BTG4: variants seen among roughly 807,000 people sequenced by gnomAD.
BTG4 encodes the protein protein BTG4.
BTG4 carries 10 observed loss-of-function variants against 19.3 expected under a neutral mutation model. That is an observed-to-expected ratio of 0.52 (90% CI 0.32 to 0.88). The LOEUF is 0.88. Ranked by LOEUF, BTG4 falls within the 40% of genes least tolerant of loss-of-function variation. BTG4 has a pLI of 0.04. For missense variants in BTG4, 238 were observed against 281.9 expected, an observed-to-expected ratio of 0.84 and a Z score of 1.11; for synonymous variants, 91 against 95.7, an observed-to-expected ratio of 0.95 and a Z score of 0.29.
the BTG4 span, among the ~76,000 whole-genome samples, chr11:111,422,331 C>T: frequency 6.6e-6 from 1 of 152,196 alleles, no homozygotes; most frequent in South Asian, 2.1e-4. Context: ...AAAGACCACA[C>T]TGACACACTT....
the BTG4 span, among the ~76,000 whole-genome samples, chr11:111,413,530 C>T: frequency 6.6e-6 from 1 of 152,218 alleles, no homozygotes; most frequent in South Asian, 2.1e-4. Flanking sequence ...TAAAGATATC[C>T]TTTTTGTACT....
chr11:111,444,815 G>C, the BTG4 span, among the ~76,000 whole-genome samples: 1 of 152,148 alleles, frequency 6.6e-6, no homozygotes, highest in Non-Finnish European at 1.5e-5. Flanking sequence ...AAAGAGGGTG[G>C]CTGAAGACGT....
chr11:111,494,798 CA>C, downstream of BTG4: 1 of 832,924 alleles, frequency 1.2e-6, no homozygotes, highest in Non-Finnish European at 1.4e-6. Flanking sequence ...TTTCTTGCAA[CA>C]AACTGAACTA....
intron 1 of BTG4, among the ~76,000 whole-genome samples, chr11:111,508,685 G>A (rs1469263797): frequency 6.6e-6 from 1 of 150,946 alleles, no homozygotes; most frequent in East Asian, 1.9e-4. Flanking sequence ...TGGCAATAAT[G>A]AAGTTTGTAT....
At chr11:111,455,269 C>G in the BTG4 span, 1 of 347,012 alleles carries the variant, frequency 2.9e-6, no homozygotes, top group Non-Finnish European at 5.8e-6. Context: ...GCCGCTGCTG[C>G]CATGCCTGTC....
chr11:111,409,713 C>T, the BTG4 span, among the ~76,000 whole-genome samples: 4 of 152,136 alleles, frequency 2.6e-5, no homozygotes, highest in Non-Finnish European at 5.9e-5. Context: ...ATAAGTCATG[C>T]GCACAGGACT....
chr11:111,416,730 G>C, the BTG4 span: 1 of 152,210 alleles, frequency 6.6e-6, no homozygotes, highest in Non-Finnish European at 1.5e-5. Flanking sequence ...AAAGCGGTTT[G>C]ACTTCTCTCA....
intron 5 of BTG4, among the ~76,000 whole-genome samples, chr11:111,471,692 A>G (rs183083192): frequency 5.3e-5 from 8 of 152,150 alleles, no homozygotes; most frequent in Non-Finnish European, 7.4e-5. Context: ...AATCTCATCT[A>G]TATGTCAATG....
At chr11:111,439,453 C>T in the BTG4 span, among the ~76,000 whole-genome samples, 6 of 152,030 alleles carry the variant, frequency 3.9e-5, no homozygotes, top group Non-Finnish European at 7.4e-5. Flanking sequence ...AGCCCAAGGA[C>T]TGCTACAACC....
chr11:111,499,379 T>C (rs1008784606), intron 1 of BTG4, among the ~76,000 whole-genome samples: 1 of 152,230 alleles, frequency 6.6e-6, no homozygotes, highest in African/African-American at 2.4e-5. Context: ...CCCTAAAGGC[T>C]GATGGATGTT....
chr11:111,388,884 T>C, the BTG4 span, among the ~76,000 whole-genome samples: 4 of 152,220 alleles, frequency 2.6e-5, no homozygotes, highest in African/African-American at 9.6e-5. Context: ...ATGGAGGTAA[T>C]ACTTGCCAAT....
At chr11:111,513,165 GC>G, upstream of BTG4, 1 of 379,308 alleles carries the variant, frequency 2.6e-6, no homozygotes, top group South Asian at 2.0e-5. Context: ...GAGGAAACCC[GC>G]GGTTTCTCCA....
the BTG4 span, among the ~76,000 whole-genome samples, chr11:111,423,572 C>T: frequency 6.6e-6 from 1 of 152,222 alleles, no homozygotes. Context: ...TCTTAGACAC[C>T]TTGCCCACCC....
At chr11:111,392,458 T>C in the BTG4 span, among the ~76,000 whole-genome samples, 1 of 152,156 alleles carries the variant, frequency 6.6e-6, no homozygotes, top group Non-Finnish European at 1.5e-5. Flanking sequence ...ATTACAGGCA[T>C]GAGCCACCGT....
chr11:111,503,715 C>A (rs142660995), intron 1 of BTG4, among the ~76,000 whole-genome samples: 73 of 152,140 alleles, frequency 4.8e-4, no homozygotes, highest in African/African-American at 1.7e-3. Context: ...TCCTATTATG[C>A]CTGTAACAGA....
At chr11:111,456,825 C>A in the BTG4 span, 1 of 266,462 alleles carries the variant, frequency 3.8e-6, no homozygotes, top group African/African-American at 2.2e-5. This position sits in a 1 kb window ranked among gnomAD's most constrained non-coding sequence, Gnocchi z 4.2. Context: ...CAGGAATGAG[C>A]TCCCAGGGAG....
chr11:111,487,294 A>ATCT (rs1865128262), intron 5 of BTG4, among the ~76,000 whole-genome samples: 1 of 152,218 alleles, frequency 6.6e-6, no homozygotes, highest in African/African-American at 2.4e-5. Context: ...ACGTGAATGT[A>ATCT]TCTTTATAAT....
At chr11:111,404,716 T>C in the BTG4 span, 2 of 455,456 alleles carry the variant, frequency 4.4e-6, no homozygotes, top group South Asian at 1.6e-5. Flanking sequence ...TTCTTGGAAT[T>C]GTTTCCCTAG....
intron 1 of BTG4, among the ~76,000 whole-genome samples, chr11:111,507,372 T>C (rs1221740241): frequency 6.6e-6 from 1 of 152,076 alleles, no homozygotes; most frequent in Non-Finnish European, 1.5e-5. Context: ...TTGTTTTTTG[T>C]TTTTTTGTTT....
Sources: allele counts gnomAD v4.1 joint callset (sites outside exome capture counted in the v4.1 genomes callset), GRCh38; gene constraint gnomAD v4.1.1; non-coding constraint Gnocchi (gnomAD v3.1); transcripts MANE v1.5; gene names NCBI Gene and HGNC (gene_info 2026-07-23, HGNC 2026-07-21).